Variants in TRIP6 observed in about 807,000 individuals in gnomAD.
TRIP6 encodes thyroid hormone receptor interactor 6, also known as thyroid receptor-interacting protein 6.
TRIP6 carries 33 observed loss-of-function variants against 51.9 expected under a neutral mutation model. The ratio of observed to expected loss-of-function variants is 0.64; its 90% CI spans 0.48 to 0.85. The LOEUF (loss-of-function observed/expected upper bound fraction) is 0.85, where lower values mean the gene tolerates loss of function less well. Among genes scored for constraint, TRIP6 ranks in the 40% least tolerant of loss-of-function variants. The pLI is 0.00. For missense variants in TRIP6, 661 were observed against 652.1 expected, an observed-to-expected ratio of 1.01 and a Z score of -0.15; for synonymous variants, 255 against 275.8, an observed-to-expected ratio of 0.92 and a Z score of 0.75.
At chr7:100,871,180 G>T in intron 6 of TRIP6, 1 of 459,120 alleles carries the variant, frequency 2.2e-6, no homozygotes, top group Non-Finnish European at 4.2e-6. Context: ...GATTACAGGT[G>T]CCCACCACCA....
chr7:100,868,105 CA>C lies in TRIP6; in HGVS notation c.238-2del. ...ATTCTTCCTGCCCTGGCTCCATCCTCAGGGGCTCCCTGCAGACAGGGGGGGC... is the reference window on the plus strand; with the variant it reads ...ATTCTTCCTGCCCTGGCTCCATCCTCGGGGCTCCCTGCAGACAGGGGGGGC... On this transcript the variant is annotated splice_acceptor_variant, in intron 2 of 8. Transcript: ENST00000200457. LOFTEE classifies it high-confidence loss of function. 6.2e-7 allele frequency: 1 copy of C among 1,613,026 alleles called. No individual in the cohort carries two copies. The highest frequency in any genetic ancestry group is 8.5e-7 in the Non-Finnish European group (1 of 1,179,718).
intron 7 of TRIP6, among the ~76,000 whole-genome samples, chr7:100,872,181 G>GTTTTTTTGT (rs1815288704): frequency 1.0e-5 from 1 of 95,594 alleles, no homozygotes; most frequent in Non-Finnish European, 1.9e-5. Flanking sequence ...CGCCTGGCTA[G>GTTTTTTTGT]TTTTTTTTTT....
In TRIP6 at chr7:100,871,719, CAGGTCAGGCCTGG is replaced by C. The variant is rs1815275809; in HGVS notation, c.1177_1178+11del. ...AGATCCACTGCATTGAGGACTTTCA[CAGGTCAGGCCTGG>C]CCTCCACCTTGTCTCACAATGTCTG... is the stretch of plus-strand genomic sequence containing the variant. On this transcript the variant is annotated splice_donor_variant and splice_donor_5th_base_variant and coding_sequence_variant and intron_variant, in exon 7 of 9. Coordinates refer to ENST00000200457, the MANE Select transcript of TRIP6 (RefSeq NM_003302.3). LOFTEE classifies it high-confidence loss of function. The C allele has an allele frequency of 6.2e-7, 1 of 1,613,442 alleles. No homozygotes were observed. Among genetic ancestry groups the C allele is most frequent in the Non-Finnish European group, 8.5e-7 (1 of 1,179,678 alleles).
In TRIP6 at chr7:100,870,563, CCT is replaced by C. The variant is rs780261940; in HGVS notation, c.830-10_830-9del. 1.2e-5 allele frequency: 20 copies of C among 1,612,372 alleles called. No homozygotes were observed. The highest frequency in any genetic ancestry group is 1.6e-5 in the Non-Finnish European group (19 of 1,178,776). ...TCTGTGAAGACTGATGCTGTTTCTC[CCT>C]GTCCTCAGGCCAGTGTGGTGGCTGC... On this transcript the variant is annotated splice_polypyrimidine_tract_variant and intron_variant, in intron 5 of 8. Transcript: ENST00000200457.
Position 100,871,075 on chromosome 7 carries a change from G to A in TRIP6, c.999+332G>A, listed in dbSNP as rs139244135. 385 of 515,594 alleles carry A rather than the reference G, an allele frequency of 7.5e-4. 1 individual carries two copies. Among genetic ancestry groups the A allele is most frequent in the Admixed American group, 3.3e-3 (146 of 44,004 alleles). The allele number at this position is 515,594 out of a possible 1,614,324, so 31.9% of individuals were successfully genotyped here. A position where few individuals can be genotyped will look rare whatever the true frequency, so the allele number is the denominator to read the frequency against. Reference sequence around the variant, plus strand: ...TTTTGAGACAGTCTCGCTCTGTTGCGCAGACTGGAGTGCAGTGGGGTGATC... The same window carrying A: ...TTTTGAGACAGTCTCGCTCTGTTGCACAGACTGGAGTGCAGTGGGGTGATC... On this transcript the variant is annotated intron_variant, in intron 6 of 8. Transcript: ENST00000200457.
chr7:100,869,965 G>A (rs752391571), intron 4 of TRIP6, among the ~76,000 whole-genome samples: 5 of 151,710 alleles, frequency 3.3e-5, no homozygotes, highest in Admixed American at 1.3e-4. Context: ...AATATATACC[G>A]AAACAATTAT....
intron 6 of TRIP6, 139 bp downstream of exon 6, chr7:100,870,882 C>T (rs971671467): frequency 2.3e-5 from 28 of 1,203,466 alleles, no homozygotes; most frequent in Non-Finnish European, 2.5e-5. Context: ...ACAAACAGGG[C>T]GGAATTCTGC....
chr7:100,872,583 C>G, intron 7 of TRIP6, 41 bp from the exon 8 acceptor site: 1 of 1,611,606 alleles, frequency 6.2e-7, no homozygotes, highest in South Asian at 1.1e-5. Flanking sequence ...TGCCCTGCAA[C>G]CCCAAGGCTT....
Position 100,867,417 on chromosome 7 carries a change from C to A in TRIP6, c.-81C>A. 1.9e-6 allele frequency: 2 copies of A among 1,068,480 alleles called. No homozygotes were observed. Among genetic ancestry groups the A allele is most frequent in the Non-Finnish European group, 2.6e-6 (2 of 783,278 alleles). 66.2% of individuals were successfully genotyped at this position (1,068,480 alleles called of 1,614,324 possible). On this transcript the variant is annotated 5_prime_UTR_variant, in exon 1 of 9. Coordinates refer to ENST00000200457, the MANE Select transcript of TRIP6 (RefSeq NM_003302.3). The surrounding 1 kb of genome is among the most constrained non-coding windows in gnomAD (Gnocchi z 5.4). ...AAGTTTTCTTTTCTGGAGTCCCAAA[C>A]GAGGTGCGGGACGGAAGAGGGGGTG...
Position 100,868,119 on chromosome 7 carries a change from A to G in TRIP6, c.249A>G (p.Ala83=). Residue 83 remains alanine, a synonymous_variant, in exon 3 of 9, where the codon GCA becomes GCG. Transcript: ENST00000200457. ...GVLQHTQGLP[A]DRGGLRPGSL... is the part of the protein sequence containing the mutation. ...GGCTCCATCCTCAGGGGCTCCCTGC[A>G]GACAGGGGGGGCCTTCGCCCTGGAA... The G allele has an allele frequency of 6.2e-7, 1 of 1,613,096 alleles. No individual in the cohort carries two copies.
rs751048597 is a variant in TRIP6, at chr7:100,873,199, G to T, written c.1327G>T (p.Gly443Cys). ...GTGTGGGCTGCTGCTCTCCTCTGAG[G>T]GCGAGTGTCAGGGCTGCTACCCGCT... is the stretch of plus-strand genomic sequence containing the variant. Reference protein sequence around the residue: ...EECGLLLSSEGECQGCYPLDG... With the variant: ...EECGLLLSSECECQGCYPLDG... Residue 443 changes from glycine to cysteine, a missense_variant, in exon 9 of 9, where the codon GGC (glycine) becomes TGC (cysteine). Transcript: ENST00000200457. 2.5e-6 allele frequency: 4 copies of T among 1,613,378 alleles called. No individual in the cohort carries two copies. In the South Asian group the frequency reaches 4.4e-5, roughly 18 times the overall value.
At chr7:100,871,272 C>T (rs1815262708) in intron 6 of TRIP6, 3 of 543,876 alleles carry the variant, frequency 5.5e-6, no homozygotes, top group Non-Finnish European at 1.0e-5. Flanking sequence ...TGGCCTCAAG[C>T]AGTCCGCCCA....
At chr7:100,873,000 G>A (rs970596608) in intron 8 of TRIP6, among the ~76,000 whole-genome samples, 172 bp from the exon 9 acceptor site, 1 of 152,100 alleles carries the variant, frequency 6.6e-6, no homozygotes, top group Non-Finnish European at 1.5e-5. Flanking sequence ...ACAGGTGCTG[G>A]CCACCATGCC....
chr7:100,867,871 C>G lies in TRIP6; in HGVS notation c.120C>G (p.Pro40=). ...PPPAHGAALQ[P]HPRVNFCPLP... The stretch of plus-strand genomic sequence containing the variant: ...CTTCCCTCAACCCAGCACTCCAGCC[C>G]CACCCCAGGGTCAATTTTTGCCCCC... Residue 40 remains proline, a synonymous_variant, in exon 2 of 9, where the codon CCC becomes CCG. Coordinates refer to ENST00000200457, the MANE Select transcript of TRIP6 (RefSeq NM_003302.3). The surrounding 1 kb of genome is among the most constrained non-coding windows in gnomAD (Gnocchi z 5.4). 1.3e-6 allele frequency: 2 copies of G among 1,534,948 alleles called. No individual in the cohort carries two copies. The highest frequency in any genetic ancestry group is 1.3e-5 in the South Asian group (1 of 76,168).
intron 4 of TRIP6, 41 bp downstream of exon 4, chr7:100,868,907 T>C: frequency 2.7e-6 from 4 of 1,461,590 alleles, no homozygotes; most frequent in Non-Finnish European, 3.6e-6. Flanking sequence ...CTACAGACAA[T>C]GGGACACCGA....
rs999511124 is a variant in TRIP6 at position 100,868,090 on chromosome 7, C to G, written c.238-18C>G. ...CCTATGGTGATTTGCATTCTTCCTG[C>G]CCTGGCTCCATCCTCAGGGGCTCCC... On this transcript the variant is annotated intron_variant, in intron 2 of 8. Coordinates refer to ENST00000200457, the MANE Select transcript of TRIP6 (RefSeq NM_003302.3). 8.7e-6 allele frequency: 14 copies of G among 1,612,442 alleles called. No homozygotes were observed. Among genetic ancestry groups the G allele is most frequent in the Non-Finnish European group, 1.2e-5 (14 of 1,179,458 alleles).
chr7:100,872,508 A>T, intron 7 of TRIP6, 116 bp from the exon 8 acceptor site: 1 of 1,462,710 alleles, frequency 6.8e-7, no homozygotes. Flanking sequence ...CCCAAGACCT[A>T]AGGCCATACC....
chr7:100,870,875 A>C, intron 6 of TRIP6, 132 bp downstream of exon 6: 1 of 1,263,756 alleles, frequency 7.9e-7, no homozygotes, highest in Non-Finnish European at 1.1e-6. Flanking sequence ...GTGATGTACA[A>C]ACAGGGCGGA....
intron 7 of TRIP6, among the ~76,000 whole-genome samples, chr7:100,872,389 G>A (rs560445411): frequency 6.6e-6 from 1 of 151,758 alleles, no homozygotes; most frequent in Admixed American, 6.6e-5. Context: ...GGCTGGTCTT[G>A]AACGCCTGGC....
Sources: allele counts gnomAD v4.1 joint callset (sites outside exome capture counted in the v4.1 genomes callset), GRCh38; gene constraint gnomAD v4.1.1; non-coding constraint Gnocchi (gnomAD v3.1); transcripts MANE v1.5; gene names NCBI Gene and HGNC (gene_info 2026-07-23, HGNC 2026-07-21).